DNAJC3: variants seen among roughly 807,000 people sequenced by gnomAD.
The protein encoded by DNAJC3 is DnaJ heat shock protein family (Hsp40) member C3, also known as dnaJ homolog subfamily C member 3.
DNAJC3 carries 38 observed loss-of-function variants against 68.6 expected under a neutral mutation model. The ratio of observed to expected loss-of-function variants is 0.55; its 90% confidence interval spans 0.43 to 0.73. The LOEUF is 0.73. Among genes scored for constraint, DNAJC3 ranks in the 30% least tolerant of loss-of-function variants. The pLI, the probability that DNAJC3 is intolerant of heterozygous loss-of-function variation, is 0.00. For synonymous variants in DNAJC3, 203 were observed against 204.0 expected (o/e 1.00, Z 0.04); for missense variants, 526 against 591.9 (o/e 0.89, Z 1.16).
chr13:95,714,955 T>C (rs1188427817), intron 2 of DNAJC3, among the ~76,000 whole-genome samples: 1 of 152,212 alleles, frequency 6.6e-6, no homozygotes, highest in East Asian at 1.9e-4. Context: ...ACAAGACTTT[T>C]TGAGACAGCT....
At chr13:95,724,889 G>A (rs1460898240) in intron 3 of DNAJC3, among the ~76,000 whole-genome samples, 2 of 152,010 alleles carry the variant, frequency 1.3e-5, no homozygotes, top group Non-Finnish European at 2.9e-5. Flanking sequence ...ATGGGAATTG[G>A]GTTATTTCCA....
chr13:95,685,911 T>G (rs1880062279), intron 1 of DNAJC3, among the ~76,000 whole-genome samples: 2 of 152,218 alleles, frequency 1.3e-5, no homozygotes, highest in Non-Finnish European at 2.9e-5. Context: ...TTTTCATGTT[T>G]GTTGGCTGCT....
intron 9 of DNAJC3, among the ~76,000 whole-genome samples, chr13:95,773,010 T>TG (rs1555328748): frequency 6.6e-6 from 1 of 152,122 alleles, no homozygotes; most frequent in African/African-American, 2.4e-5. Context: ...GTCCCTCCTC[T>TG]ATTTTCTGAA....
chr13:95,760,677 A>T lies in DNAJC3; in HGVS notation c.729-2A>T. On this transcript the variant is annotated splice_acceptor_variant, in intron 6 of 11. Coordinates refer to ENST00000602402, the MANE Select transcript of DNAJC3 (RefSeq NM_006260.5). LOFTEE classifies it high-confidence loss of function. ...ATTTTCCTTTTTTAAATACATGAAC[A>T]GTGAAGTTCGGGAATGTCTTAAACT... 1 of 1,606,332 alleles carries T rather than the reference A, an allele frequency of 6.2e-7. No homozygotes were observed. Among genetic ancestry groups the T allele is most frequent in the Non-Finnish European group, 8.5e-7 (1 of 1,177,188 alleles).
In DNAJC3 at chr13:95,748,249, G is replaced by A. The variant is rs941826083; in HGVS notation, c.394-9395G>A. ...AACTGTATTTTTTTACTTTGACAGA[G>A]CAGAAACTTGCATTTTGATTGTGAG... On this transcript the variant is annotated intron_variant, in intron 4 of 11. Coordinates refer to ENST00000602402, the MANE Select transcript of DNAJC3 (RefSeq NM_006260.5). Among the ~76,000 whole-genome samples the A allele has an allele frequency of 3.3e-5, 5 of 152,226 alleles. No homozygotes were observed. In the East Asian group the frequency reaches 7.7e-4, roughly 23 times the overall value.
At chr13:95,766,089 A>G (rs1882985752) in intron 9 of DNAJC3, among the ~76,000 whole-genome samples, 1 of 152,214 alleles carries the variant, frequency 6.6e-6, no homozygotes, top group Non-Finnish European at 1.5e-5. Context: ...TTAGCTAAAT[A>G]ACAGTATGTC....
Position 95,791,101 on chromosome 13 carries a change from A to T in DNAJC3, c.*71A>T. On this transcript the variant is annotated 3_prime_UTR_variant, in exon 12 of 12. Coordinates refer to ENST00000602402, the MANE Select transcript of DNAJC3 (RefSeq NM_006260.5). ...CAAAGAAATCTTGTTCCGGGACCCT[A>T]ATGAAAAAAAATTTCAAATCTTTTC... The T allele has an allele frequency of 6.4e-7, 1 of 1,554,528 alleles. No homozygotes were observed. Among genetic ancestry groups the T allele is most frequent in the South Asian group, 1.2e-5 (1 of 84,936 alleles).
At chr13:95,711,921 A>G (rs1000386733) in intron 2 of DNAJC3, among the ~76,000 whole-genome samples, 4 of 152,212 alleles carry the variant, frequency 2.6e-5, no homozygotes, top group African/African-American at 7.2e-5. Context: ...ATATTATAGG[A>G]AAGTCTCATG....
chr13:95,769,343 T>C (rs1461382704), intron 9 of DNAJC3, among the ~76,000 whole-genome samples: 1 of 152,168 alleles, frequency 6.6e-6, no homozygotes, highest in Non-Finnish European at 1.5e-5. Flanking sequence ...TCAAGGTTGT[T>C]AACCAGGGGT....
chr13:95,745,801 CTT>C (rs1277155147), intron 4 of DNAJC3: 2 of 152,274 alleles, frequency 1.3e-5, no homozygotes, highest in East Asian at 3.9e-4. Context: ...GGTTGACACT[CTT>C]TTGTAAAGTT....
chr13:95,678,457 T>G (rs992239784), intron 1 of DNAJC3, among the ~76,000 whole-genome samples: 1 of 152,166 alleles, frequency 6.6e-6, no homozygotes, highest in Admixed American at 6.5e-5. Flanking sequence ...CCATATTTTT[T>G]GAACCCCAAA....
intron 1 of DNAJC3, among the ~76,000 whole-genome samples, chr13:95,681,020 G>A (rs1215609601): frequency 6.6e-6 from 1 of 152,188 alleles, no homozygotes; most frequent in African/African-American, 2.4e-5. Flanking sequence ...TAACTATATT[G>A]CTCTTTGGTG....
intron 4 of DNAJC3, among the ~76,000 whole-genome samples, chr13:95,753,008 A>G (rs1322818114): frequency 6.6e-6 from 1 of 152,196 alleles, no homozygotes; most frequent in Non-Finnish European, 1.5e-5. Flanking sequence ...AATGTGAGAA[A>G]GGCCCTTTGA....
At chr13:95,723,759 A>G (rs1021272691) in intron 3 of DNAJC3, among the ~76,000 whole-genome samples, 2 of 152,210 alleles carry the variant, frequency 1.3e-5, no homozygotes, top group African/African-American at 4.8e-5. Context: ...AGTGGGGATT[A>G]CTTAATTGGG....
chr13:95,723,169 C>A (rs2139641323), intron 2 of DNAJC3, 73 bp from the exon 3 acceptor site: 2 of 1,386,788 alleles, frequency 1.4e-6, no homozygotes, highest in Non-Finnish European at 2.0e-6. Flanking sequence ...TGATACTGTC[C>A]AGGTGATTTG....
At chr13:95,780,762 G>A (rs997240347) in intron 9 of DNAJC3, among the ~76,000 whole-genome samples, 4 of 152,202 alleles carry the variant, frequency 2.6e-5, no homozygotes, top group African/African-American at 4.8e-5. Context: ...TTTGCATTGA[G>A]AGTAGACTTT....
In DNAJC3 at chr13:95,703,108, G is replaced by C. The variant is rs990101475; in HGVS notation, c.83-6119G>C. Among the ~76,000 whole-genome samples the C allele has an allele frequency of 2.6e-5, 4 of 152,190 alleles. No homozygotes were observed. In the East Asian group the frequency reaches 7.7e-4, roughly 29 times the overall value. ...GCAAATATTGAACCATTTCTCTTAGGGGAAATACAGGGTTAAGTTTCTGCA... is the reference window on the plus strand; with the variant it reads ...GCAAATATTGAACCATTTCTCTTAGCGGAAATACAGGGTTAAGTTTCTGCA... On this transcript the variant is annotated intron_variant, in intron 1 of 11. Transcript: ENST00000602402.
At chr13:95,719,883 T>C (rs1434124444) in intron 2 of DNAJC3, among the ~76,000 whole-genome samples, 2 of 152,158 alleles carry the variant, frequency 1.3e-5, no homozygotes, top group Non-Finnish European at 2.9e-5. Context: ...AATGGTCAGG[T>C]TTTTCCAAAT....
Position 95,785,992 on chromosome 13 carries a change from C to G in DNAJC3, c.1129C>G (p.Arg377Gly). 1 of 1,610,750 alleles carries G rather than the reference C, an allele frequency of 6.2e-7. No homozygotes were observed. The highest frequency in any genetic ancestry group is 8.5e-7 in the Non-Finnish European group (1 of 1,178,582). The change falls in exon 10 of 12, where the codon CGA becomes GGA. Residue 377 changes from arginine to glycine, a missense_variant. By Grantham distance (125) the Arg-to-Gly change is moderately radical. Coordinates refer to ENST00000602402, the MANE Select transcript of DNAJC3 (RefSeq NM_006260.5). ...QEHNENDQQI[R>G]EGLEKAQRLL... ...ACACAATGAAAATGATCAGCAGATTCGAGAAGGTCTAGAGAAAGCACAAAG... is the reference window on the plus strand; with the variant it reads ...ACACAATGAAAATGATCAGCAGATTGGAGAAGGTCTAGAGAAAGCACAAAG...
Sources: allele counts gnomAD v4.1 joint callset (sites outside exome capture counted in the v4.1 genomes callset), GRCh38; gene constraint gnomAD v4.1.1; transcripts MANE v1.5; gene names NCBI Gene and HGNC (gene_info 2026-07-23, HGNC 2026-07-21).